SLC8A1: variants seen among roughly 807,000 people sequenced by gnomAD.
SLC8A1 encodes solute carrier family 8 member A1.
Under a neutral mutation model 68.3 loss-of-function variants are expected in SLC8A1, and 18 were observed. The ratio of observed to expected loss-of-function variants is 0.26; its 90% CI spans 0.18 to 0.39. The LOEUF (loss-of-function observed/expected upper bound fraction) is 0.39, where lower values mean the gene tolerates loss of function less well. Among genes scored for constraint, SLC8A1 ranks in the 10% least tolerant of loss-of-function variants. SLC8A1 has a pLI of 1.00. For synonymous variants in SLC8A1, 475 were observed against 415.5 expected (o/e 1.14, Z -1.74); for missense variants, 985 against 1,156.7 (o/e 0.85, Z 2.15).
At chr2:40,419,038 A>G (rs772622889) in intron 2 of SLC8A1, among the ~76,000 whole-genome samples, 1 of 152,332 alleles carries the variant, frequency 6.6e-6, no homozygotes. Flanking sequence ...AAACATACAC[A>G]CTGTTGTAGG....
At chr2:40,235,663 GC>G (rs1156916283) in intron 2 of SLC8A1, among the ~76,000 whole-genome samples, 1 of 151,818 alleles carries the variant, frequency 6.6e-6, no homozygotes, top group Non-Finnish European at 1.5e-5. Context: ...GTTTGCTCTT[GC>G]TTTTCTAGTT....
intron 2 of SLC8A1, among the ~76,000 whole-genome samples, chr2:40,205,267 A>G (rs1339475908): frequency 6.6e-6 from 1 of 152,054 alleles, no homozygotes; most frequent in Non-Finnish European, 1.5e-5. Context: ...AATAAATAAA[A>G]ACATCGTTTA....
intron 2 of SLC8A1, among the ~76,000 whole-genome samples, chr2:40,367,236 T>G (rs1676521331): frequency 6.6e-6 from 1 of 152,050 alleles, no homozygotes; most frequent in Non-Finnish European, 1.5e-5. Flanking sequence ...CCTCCTAGTC[T>G]CTGCTTCCAT....
At chr2:40,429,369 T>G in exon 2 of SLC8A1, 1 of 1,613,866 alleles carries the variant, frequency 6.2e-7, no homozygotes, top group Non-Finnish European at 8.5e-7. Flanking sequence ...GAGCACCATC[T>G]AAGAAATTTT....
intron 2 of SLC8A1, among the ~76,000 whole-genome samples, chr2:40,228,086 C>T (rs1231919352): frequency 1.3e-5 from 2 of 152,062 alleles, no homozygotes; most frequent in Non-Finnish European, 2.9e-5. Context: ...ATTAAAAAAC[C>T]ATTTGTCTTG....
chr2:40,406,328 G>A (rs892904168), intron 2 of SLC8A1, among the ~76,000 whole-genome samples: 2 of 152,124 alleles, frequency 1.3e-5, no homozygotes, highest in African/African-American at 4.8e-5. Context: ...AATTCTTCAT[G>A]AATGCAGAGT....
chr2:40,158,789 T>G (rs545854855), intron 6 of SLC8A1, among the ~76,000 whole-genome samples: 1 of 152,324 alleles, frequency 6.6e-6, no homozygotes, highest in South Asian at 2.1e-4. Flanking sequence ...TCTTCCTTAA[T>G]TATCGTAAGA....
chr2:40,250,507 A>G (rs1432384332), intron 2 of SLC8A1: 1 of 151,154 alleles, frequency 6.6e-6, no homozygotes, highest in Non-Finnish European at 1.5e-5. Context: ...ATGACAGGAA[A>G]ATGTAAGTGC....
intron 1 of SLC8A1, among the ~76,000 whole-genome samples, chr2:40,433,727 G>A (rs559093499): frequency 5.9e-5 from 9 of 152,080 alleles, no homozygotes; most frequent in Non-Finnish European, 1.0e-4. Flanking sequence ...CCCAACCCCT[G>A]GTCTTTTTCC....
In SLC8A1 at chr2:40,294,991, A is replaced by G. The variant is rs2070076507; in HGVS notation, c.1809-117136T>C. 3.9e-5 allele frequency among the ~76,000 whole-genome samples: 6 copies of G among 152,208 alleles called. No homozygotes were observed. In the South Asian group the frequency reaches 1.2e-3, roughly 32 times the overall value. ...TATACTATGTTAAGTTCAGAACTTT[A>G]CCCAAATATCTTTAGACACACAGCA... is the stretch of plus-strand genomic sequence containing the variant. On this transcript the variant is annotated intron_variant, in intron 2 of 7. Transcript: ENST00000406785.
intron 2 of SLC8A1, among the ~76,000 whole-genome samples, chr2:40,287,622 A>ATGTGTGTGTGTGTGTGTGTGTGTGTGTG (rs1553475996): frequency 2.8e-5 from 2 of 72,078 alleles, no homozygotes; most frequent in East Asian, 6.8e-4. Context: ...GTGTGTGTGC[A>ATGTGTGTGTGTGTGTGTGTGTGTGTGTG]TGCAGGGACA....
At chr2:40,165,010 G>A (rs753946009) in intron 4 of SLC8A1, 26 bp from the exon 8 acceptor site, 1 of 1,612,984 alleles carries the variant, frequency 6.2e-7, no homozygotes, top group Admixed American at 1.7e-5. Flanking sequence ...ATCAGAGAGT[G>A]AGCACTGTGT....
intron 2 of SLC8A1, among the ~76,000 whole-genome samples, chr2:40,303,883 T>A (rs137888500): frequency 6.6e-6 from 1 of 152,112 alleles, no homozygotes; most frequent in Non-Finnish European, 1.5e-5. Flanking sequence ...TTAAAGGAGC[T>A]TGTGTTTTCC....
chr2:40,368,709 C>T (rs996604068), intron 2 of SLC8A1, among the ~76,000 whole-genome samples: 5 of 151,894 alleles, frequency 3.3e-5, no homozygotes, highest in African/African-American at 7.2e-5. Context: ...GCCTAGTACC[C>T]GTTAGTCATT....
At chr2:40,396,356 C>T (rs955919313) in intron 2 of SLC8A1, among the ~76,000 whole-genome samples, 15 of 152,106 alleles carry the variant, frequency 9.9e-5, no homozygotes, top group African/African-American at 2.4e-4. Flanking sequence ...TGAATCTCTA[C>T]GGTTACATGA....
rs368767347 is a variant in SLC8A1 at position 40,233,422 on chromosome 2, T to C, written c.1809-55567A>G. On this transcript the variant is annotated intron_variant, in intron 2 of 7. Transcript: ENST00000406785. ...TTGAGAAGTGTCTGTTCATGTCCTT[T>C]GCCCACTTTTTGATGGGGTTGTTTG... is the stretch of plus-strand genomic sequence containing the variant. Among the ~76,000 whole-genome samples the C allele has an allele frequency of 7.9e-4, 118 of 149,676 alleles. 2 individuals carry two copies. In the East Asian group the frequency reaches 0.017, roughly 22 times the overall value.
chr2:40,427,988 A>G (rs1338227236), intron 2 of SLC8A1, among the ~76,000 whole-genome samples: 2 of 152,168 alleles, frequency 1.3e-5, no homozygotes, highest in African/African-American at 4.8e-5. Context: ...AAAAGCCACA[A>G]AAATATTTTC....
chr2:40,108,832 G>C (rs1009845280), exon 8 of SLC8A1: 1 of 152,140 alleles, frequency 6.6e-6, no homozygotes, highest in Admixed American at 6.5e-5. Context: ...CTTCACATTA[G>C]AGGGAGGGCC....
At chr2:40,278,241 C>T (rs1201785431) in intron 2 of SLC8A1, among the ~76,000 whole-genome samples, 3 of 152,000 alleles carry the variant, frequency 2.0e-5, no homozygotes, top group South Asian at 2.1e-4. Flanking sequence ...GAGGCCGAGG[C>T]GTGTGGATCA....
Sources: gnomAD v4.1 joint callset for allele counts (sites outside exome capture counted in the v4.1 genomes callset) on GRCh38, gnomAD v4.1.1 for gene constraint, MANE v1.5 for transcripts, NCBI Gene and HGNC (gene_info 2026-07-23, HGNC 2026-07-21) for gene names.